CDC14A: variants seen among roughly 807,000 people sequenced by gnomAD.
The protein encoded by CDC14A is dual specificity protein phosphatase CDC14A.
CDC14A carries 53 observed loss-of-function variants against 74.4 expected under a neutral mutation model. The observed-to-expected ratio is 0.71, with a 90% confidence interval of 0.57 to 0.89. The LOEUF is 0.89. CDC14A is among the 40% of genes least tolerant of loss of function. The pLI is 0.00. For synonymous variants in CDC14A, 247 were observed against 258.4 expected, an observed-to-expected ratio of 0.96 and a Z score of 0.43; for missense variants, 646 against 713.7, an observed-to-expected ratio of 0.91 and a Z score of 1.08.
intron 6 of CDC14A, among the ~76,000 whole-genome samples, chr1:100,440,557 A>G (rs1286466526): frequency 2.6e-5 from 4 of 152,244 alleles, no homozygotes; most frequent in Non-Finnish European, 4.4e-5. Flanking sequence ...TTAGAAACAT[A>G]AATTCACAAT....
chr1:100,487,115 G>A (rs763630080), intron 11 of CDC14A, among the ~76,000 whole-genome samples: 3 of 152,130 alleles, frequency 2.0e-5, no homozygotes, highest in Non-Finnish European at 4.4e-5. Flanking sequence ...TATAGAAAGT[G>A]CAAAAAGGCA....
intron 4 of CDC14A, among the ~76,000 whole-genome samples, chr1:100,423,418 CCT>C (rs1662589657): frequency 1.3e-5 from 2 of 152,084 alleles, no homozygotes; most frequent in Non-Finnish European, 2.9e-5. Flanking sequence ...TTTCCAGGCC[CCT>C]GTTTATTTAC....
At chr1:100,353,724 C>G (rs1000828934) in intron 1 of CDC14A, 38 bp from the exon 2 acceptor site, 1 of 1,105,590 alleles carries the variant, frequency 9.0e-7, no homozygotes, top group Non-Finnish European at 1.4e-6. Context: ...TTCTCTACTT[C>G]TCATATGTTT....
At chr1:100,363,473 C>T (rs1452179196) in intron 2 of CDC14A, among the ~76,000 whole-genome samples, 1 of 152,156 alleles carries the variant, frequency 6.6e-6, no homozygotes, top group Non-Finnish European at 1.5e-5. Context: ...TTGTTGTTGA[C>T]AGTGAATTCC....
rs1360556880 is a variant in CDC14A, at chr1:100,467,939, G to A, written c.839-17G>A. On this transcript the variant is annotated splice_polypyrimidine_tract_variant and intron_variant, in intron 9 of 15. Transcript: ENST00000336454. ...TGCTAGACTTTATATTTCTTATTCT[G>A]TTTCATTCTCTTACAGCTGGTCTTG... is the stretch of plus-strand genomic sequence containing the variant. 3.2e-6 allele frequency: 5 copies of A among 1,571,594 alleles called. No individual in the cohort carries two copies. The highest frequency in any genetic ancestry group is 4.3e-6 in the Non-Finnish European group (5 of 1,165,772).
chr1:100,401,970 G>A (rs1295644542), intron 4 of CDC14A, among the ~76,000 whole-genome samples: 1 of 151,882 alleles, frequency 6.6e-6, no homozygotes, highest in Non-Finnish European at 1.5e-5. Context: ...CCCGGGAGGC[G>A]GAGGTTGTGG....
chr1:100,493,519 G>A (rs1026164639), intron 11 of CDC14A, among the ~76,000 whole-genome samples: 3 of 152,192 alleles, frequency 2.0e-5, no homozygotes, highest in Non-Finnish European at 4.4e-5. Context: ...GGGGTTGTAT[G>A]GATAGAACTG....
At chr1:100,476,456 T>C in intron 10 of CDC14A, among the ~76,000 whole-genome samples, 1 of 151,946 alleles carries the variant, frequency 6.6e-6, no homozygotes, top group East Asian at 1.9e-4. Context: ...GAAAAAAAAA[T>C]CAGCTCTATT....
intron 4 of CDC14A, among the ~76,000 whole-genome samples, chr1:100,408,868 C>T (rs530310591): frequency 6.6e-6 from 1 of 152,290 alleles, no homozygotes; most frequent in African/African-American, 2.4e-5. Context: ...CAATATCCTC[C>T]TTCTAGCTAT....
At chr1:100,427,863 G>C (rs1207619269) in intron 5 of CDC14A, among the ~76,000 whole-genome samples, 1 of 152,108 alleles carries the variant, frequency 6.6e-6, no homozygotes, top group East Asian at 1.9e-4. Context: ...GAGGTGTTAT[G>C]GGAATACTGA....
chr1:100,389,987 T>G (rs370644776), intron 3 of CDC14A, among the ~76,000 whole-genome samples: 123 of 152,348 alleles, frequency 8.1e-4, no homozygotes, highest in African/African-American at 2.9e-3. Context: ...TGATTTCATT[T>G]TACCAGATCT....
chr1:100,350,534 T>A (rs1208690919), upstream of CDC14A, among the ~76,000 whole-genome samples: 1 of 152,266 alleles, frequency 6.6e-6, no homozygotes, highest in African/African-American at 2.4e-5. Flanking sequence ...ATCACAATTT[T>A]AAGCAGGAGA....
At chr1:100,494,795 A>G (rs761649985) in intron 11 of CDC14A, 23 bp from the exon 12 acceptor site, 2 of 1,420,472 alleles carry the variant, frequency 1.4e-6, no homozygotes, top group Admixed American at 1.7e-5. Flanking sequence ...TGACCTTTCT[A>G]TGGAACGTGT....
chr1:100,436,100 AAC>A, intron 5 of CDC14A, among the ~76,000 whole-genome samples: 1 of 152,252 alleles, frequency 6.6e-6, no homozygotes, highest in South Asian at 2.1e-4. Context: ...CTGTTTTCCT[AAC>A]TCCTGACCTC....
intron 3 of CDC14A, among the ~76,000 whole-genome samples, chr1:100,382,124 C>T (rs1656194016): frequency 1.3e-5 from 2 of 151,148 alleles, no homozygotes; most frequent in South Asian, 4.2e-4. Flanking sequence ...GCTAAGAACA[C>T]TGGGCTAAAG....
chr1:100,397,163 T>C (rs1571061716), intron 4 of CDC14A, among the ~76,000 whole-genome samples: 1 of 152,128 alleles, frequency 6.6e-6, no homozygotes, highest in African/African-American at 2.4e-5. Flanking sequence ...TAGACCATCA[T>C]GTTCAGTGAT....
rs1364976158 is a variant in CDC14A at position 100,392,908 on chromosome 1, A to C, written c.309+2084A>C. ...ATAGAATTACCGCAGCAGCCCACACATTCTATGATTTCTAAACATTTAAAC... is the reference window on the plus strand; with the variant it reads ...ATAGAATTACCGCAGCAGCCCACACCTTCTATGATTTCTAAACATTTAAAC... On this transcript the variant is annotated intron_variant, in intron 4 of 15. Transcript: ENST00000336454. 4.8e-6 allele frequency: 3 copies of C among 630,644 alleles called. No individual in the cohort carries two copies. In the Admixed American group the frequency reaches 8.1e-5, roughly 17 times the overall value. 39.1% of individuals were successfully genotyped at this position (630,644 alleles called of 1,614,324 possible).
intron 10 of CDC14A, among the ~76,000 whole-genome samples, chr1:100,471,508 A>G (rs904503598): frequency 3.3e-5 from 5 of 152,162 alleles, no homozygotes; most frequent in Non-Finnish European, 5.9e-5. Context: ...ATTGAGAGAA[A>G]TTAAAGAAGA....
chr1:100,368,402 G>A (rs949857428), intron 2 of CDC14A, among the ~76,000 whole-genome samples: 2 of 152,154 alleles, frequency 1.3e-5, no homozygotes, highest in African/African-American at 2.4e-5. Context: ...CTGTGTTATT[G>A]TAGTATGCCA....
Sources: allele counts gnomAD v4.1 joint callset (sites outside exome capture counted in the v4.1 genomes callset), GRCh38; gene constraint gnomAD v4.1.1; transcripts MANE v1.5; gene names NCBI Gene and HGNC (gene_info 2026-07-23, HGNC 2026-07-21).